SLC8A1: variants seen among roughly 807,000 people sequenced by gnomAD.
SLC8A1 encodes the protein sodium/calcium exchanger 1.
Under a neutral mutation model 68.3 loss-of-function variants are expected in SLC8A1, and 18 were observed. The observed-to-expected ratio is 0.26, with a 90% CI of 0.18 to 0.39. The LOEUF is 0.39. Ranked by LOEUF, SLC8A1 falls within the 10% of genes least tolerant of loss-of-function variation. The pLI is 1.00. For synonymous variants in SLC8A1, 475 were observed against 415.5 expected (o/e 1.14, Z -1.74); for missense variants, 985 against 1,156.7 (o/e 0.85, Z 2.15).
chr2:40,467,885 A>G (rs1256057844), intron 1 of SLC8A1, among the ~76,000 whole-genome samples: 1 of 152,182 alleles, frequency 6.6e-6, no homozygotes, highest in Admixed American at 6.5e-5. Flanking sequence ...GAATTGTATC[A>G]TGCATGATCA....
At chr2:40,197,901 G>A (rs2053389497) in intron 2 of SLC8A1, among the ~76,000 whole-genome samples, 1 of 46,652 alleles carries the variant, frequency 2.1e-5, no homozygotes, top group Non-Finnish European at 6.4e-5. Context: ...AAGAATGACT[G>A]TCCAGAAATG....
chr2:40,360,822 G>A (rs1039845778), intron 2 of SLC8A1, among the ~76,000 whole-genome samples: 1 of 152,158 alleles, frequency 6.6e-6, no homozygotes, highest in Non-Finnish European at 1.5e-5. Context: ...CTGCCCTCTT[G>A]CCATTGGTCC....
exon 8 of SLC8A1, chr2:40,099,317 GAACGGC>G (rs2033759599): frequency 6.6e-6 from 1 of 151,980 alleles, no homozygotes; most frequent in Non-Finnish European, 1.5e-5. Flanking sequence ...GCGTGCACTC[GAACGGC>G]AAGTCGTGGA....
At chr2:40,197,720 C>T (rs368613) in intron 2 of SLC8A1, among the ~76,000 whole-genome samples, 5 of 151,636 alleles carry the variant, frequency 3.3e-5, no homozygotes, top group African/African-American at 1.2e-4. Context: ...GCTTGTCTCC[C>T]AGACATTTTC....
At chr2:40,465,032 G>A (rs185206770) in intron 1 of SLC8A1, among the ~76,000 whole-genome samples, 2 of 152,258 alleles carry the variant, frequency 1.3e-5, no homozygotes, top group Non-Finnish European at 2.9e-5. Context: ...GAAAAAGGGC[G>A]GGTGAGAGGG....
intron 1 of SLC8A1, among the ~76,000 whole-genome samples, chr2:40,492,549 G>A (rs909104385): frequency 4.0e-5 from 6 of 151,420 alleles, no homozygotes; most frequent in African/African-American, 1.5e-4. Flanking sequence ...CCATCAGAGT[G>A]AACAGGCAAC....
At chr2:40,308,738 G>T (rs2073134514) in intron 2 of SLC8A1, among the ~76,000 whole-genome samples, 1 of 152,152 alleles carries the variant, frequency 6.6e-6, no homozygotes. Context: ...GGGGGAAAGG[G>T]AGTCAGGTAG....
chr2:40,448,304 T>A (rs1234483553), intron 1 of SLC8A1, among the ~76,000 whole-genome samples: 1 of 151,842 alleles, frequency 6.6e-6, no homozygotes, highest in Non-Finnish European at 1.5e-5. Flanking sequence ...AAAAAGAGAT[T>A]TTGGAAGAGG....
chr2:40,480,338 A>T (rs1704549978), intron 1 of SLC8A1, among the ~76,000 whole-genome samples: 1 of 152,056 alleles, frequency 6.6e-6, no homozygotes, highest in Non-Finnish European at 1.5e-5. Flanking sequence ...ACTTTGGGAG[A>T]TCATGAGGGC....
At chr2:40,397,075 T>A (rs981468897) in intron 2 of SLC8A1, among the ~76,000 whole-genome samples, 5 of 152,196 alleles carry the variant, frequency 3.3e-5, no homozygotes, top group Non-Finnish European at 7.3e-5. Flanking sequence ...GATCCGTGGA[T>A]CAGTTAATTT....
intron 2 of SLC8A1, among the ~76,000 whole-genome samples, chr2:40,236,817 A>C (rs866755154): frequency 4.6e-5 from 7 of 150,582 alleles, no homozygotes; most frequent in Middle Eastern, 6.9e-3. Context: ...ATCTCTCAGC[A>C]TTTGCTTGTC....
Position 40,246,135 on chromosome 2 carries a change from T to C in SLC8A1, c.1809-68280A>G, listed in dbSNP as rs1008823077. Among the ~76,000 whole-genome samples the C allele has an allele frequency of 2.0e-5, 3 of 152,226 alleles. No individual in the cohort carries two copies. The East Asian group carries it at 5.8e-4, about 29-fold the overall frequency. On this transcript the variant is annotated intron_variant, in intron 2 of 7. Coordinates refer to ENST00000406785, the Ensembl canonical transcript of SLC8A1. ...CTTAGGCAATACTTAATTTTTAAAC[T>C]GTGCACATAGAAGATGAAATGGAAA...
intron 4 of SLC8A1, among the ~76,000 whole-genome samples, chr2:40,165,855 A>G (rs1371792780): frequency 1.3e-5 from 2 of 152,186 alleles, no homozygotes; most frequent in Non-Finnish European, 2.9e-5. Context: ...TCCCAGACTG[A>G]AAAGGCCATG....
intron 4 of SLC8A1, among the ~76,000 whole-genome samples, chr2:40,171,798 T>C (rs772048801): frequency 3.3e-5 from 5 of 152,210 alleles, no homozygotes; most frequent in Non-Finnish European, 5.9e-5. Flanking sequence ...GAGTGTTACC[T>C]TGTCGTATGA....
At chr2:40,214,158 G>A (rs2057081448) in intron 2 of SLC8A1, among the ~76,000 whole-genome samples, 1 of 152,132 alleles carries the variant, frequency 6.6e-6, no homozygotes, top group Non-Finnish European at 1.5e-5. Flanking sequence ...GCACACACAT[G>A]CACATGTGAA....
intron 1 of SLC8A1, among the ~76,000 whole-genome samples, chr2:40,470,822 T>C (rs1703951311): frequency 6.6e-6 from 1 of 152,102 alleles, no homozygotes; most frequent in Admixed American, 6.5e-5. Flanking sequence ...TTATCTTTTA[T>C]AATTAGGGAA....
At chr2:40,170,416 G>A (rs2047267329) in intron 4 of SLC8A1, 67 bp from the exon 7 acceptor site, 1 of 1,359,554 alleles carries the variant, frequency 7.4e-7, no homozygotes, top group African/African-American at 1.4e-5. Context: ...GAGCTTTGTG[G>A]AATTAGTAAG....
intron 2 of SLC8A1, among the ~76,000 whole-genome samples, chr2:40,308,519 G>A (rs1334409124): frequency 2.0e-5 from 3 of 152,144 alleles, no homozygotes; most frequent in Non-Finnish European, 1.5e-5. Context: ...GTAAATGACA[G>A]GAAGAAGCTT....
intron 2 of SLC8A1, among the ~76,000 whole-genome samples, chr2:40,359,224 ACT>A (rs938188665): frequency 1.3e-4 from 20 of 151,978 alleles, no homozygotes; most frequent in East Asian, 3.9e-4. Context: ...AAAAAATGAA[ACT>A]CTCTCAATTT....
Sources: gnomAD v4.1 joint callset for allele counts (sites outside exome capture counted in the v4.1 genomes callset) on GRCh38, gnomAD v4.1.1 for gene constraint, MANE v1.5 for transcripts, NCBI Gene and HGNC (gene_info 2026-07-23, HGNC 2026-07-21) for gene names.